Variants in MACROD2 observed in about 807,000 individuals in gnomAD.
The protein encoded by MACROD2 is mono-ADP ribosylhydrolase 2, also known as ADP-ribose glycohydrolase MACROD2.
In MACROD2, 36 loss-of-function variants were observed where a neutral mutation model predicts 70.4. The observed-to-expected ratio is 0.51, with a 90% CI of 0.39 to 0.68. The LOEUF (loss-of-function observed/expected upper bound fraction) is 0.68. Among genes scored for constraint, MACROD2 ranks in the 30% least tolerant of loss-of-function variants. MACROD2 has a pLI of 0.00. For synonymous variants in MACROD2, 172 were observed against 178.8 expected (o/e 0.96, Z 0.30); for missense variants, 496 against 538.4 (o/e 0.92, Z 0.78).
intron 3 of MACROD2, among the ~76,000 whole-genome samples, chr20:14,417,674 T>C (rs751487381): frequency 6.6e-6 from 1 of 152,202 alleles, no homozygotes; most frequent in Non-Finnish European, 1.5e-5. Context: ...GACCTTGAAG[T>C]CTGAACTTTG....
intron 16 of MACROD2, among the ~76,000 whole-genome samples, chr20:16,043,111 C>T (rs1032634961): frequency 2.6e-5 from 4 of 151,936 alleles, no homozygotes; most frequent in Admixed American, 6.6e-5. Flanking sequence ...GGCTCAAAGG[C>T]GGGCAGGGGA....
intron 5 of MACROD2, among the ~76,000 whole-genome samples, chr20:15,180,936 G>A (rs906653107): frequency 6.6e-6 from 1 of 152,180 alleles, no homozygotes; most frequent in African/African-American, 2.4e-5. Context: ...AACATTTTCT[G>A]TGTTACTACA....
intron 3 of MACROD2, among the ~76,000 whole-genome samples, chr20:14,234,961 A>G (rs1208132534): frequency 6.6e-6 from 1 of 152,194 alleles, no homozygotes; most frequent in Non-Finnish European, 1.5e-5. Flanking sequence ...AAAGTCAAAT[A>G]TGGGTCAAAG....
intron 5 of MACROD2, among the ~76,000 whole-genome samples, chr20:15,002,661 A>G (rs367912093): frequency 6.6e-6 from 1 of 152,162 alleles, no homozygotes; most frequent in East Asian, 1.9e-4. Flanking sequence ...GGTAACCTAA[A>G]TGAGCAAAAT....
At chr20:15,092,782 C>G (rs1286382148) in intron 5 of MACROD2, among the ~76,000 whole-genome samples, 1 of 152,036 alleles carries the variant, frequency 6.6e-6, no homozygotes, top group Non-Finnish European at 1.5e-5. Context: ...ATCTGTAAGA[C>G]TAACAAAATT....
intron 5 of MACROD2, among the ~76,000 whole-genome samples, chr20:14,911,427 G>C (rs1571519): frequency 0.014 from 2,107 of 152,170 alleles, 38 homozygotes; most frequent in East Asian, 0.056. Context: ...GCCCAGGCTA[G>C]AGTGCGGTGG....
chr20:15,918,251 G>A (rs1302428686), intron 10 of MACROD2, among the ~76,000 whole-genome samples: 3 of 152,070 alleles, frequency 2.0e-5, no homozygotes, highest in Admixed American at 2.0e-4. Context: ...TTTTATTTTG[G>A]ATACATAATG....
chr20:14,603,158 T>G (rs1244987587), intron 4 of MACROD2, among the ~76,000 whole-genome samples: 1 of 152,352 alleles, frequency 6.6e-6, no homozygotes, highest in Non-Finnish European at 1.5e-5. Flanking sequence ...CATTTATTTT[T>G]ATCTCTCCCA....
chr20:15,425,859 G>T (rs1028560483), intron 6 of MACROD2, among the ~76,000 whole-genome samples: 1 of 152,176 alleles, frequency 6.6e-6, no homozygotes, highest in Admixed American at 6.5e-5. Flanking sequence ...GAGAATCAAG[G>T]GTCAGAGAGA....
At chr20:15,660,537 T>C (rs2049805545) in intron 8 of MACROD2, among the ~76,000 whole-genome samples, 1 of 152,204 alleles carries the variant, frequency 6.6e-6, no homozygotes, top group South Asian at 2.1e-4. Context: ...TCATATGCCA[T>C]ATTTCAGGCT....
chr20:14,509,990 CT>C (rs1315741460), intron 4 of MACROD2, among the ~76,000 whole-genome samples: 1 of 151,910 alleles, frequency 6.6e-6, no homozygotes, highest in Admixed American at 6.6e-5. Context: ...TTTATATTCC[CT>C]TTTAAAAGTC....
At chr20:14,967,579 C>T (rs947039215) in intron 5 of MACROD2, among the ~76,000 whole-genome samples, 1 of 152,130 alleles carries the variant, frequency 6.6e-6, no homozygotes, top group Non-Finnish European at 1.5e-5. Flanking sequence ...ACTTCACTCT[C>T]TTAGTGTCAA....
At chr20:14,028,684 C>T (rs757230404) in intron 2 of MACROD2, among the ~76,000 whole-genome samples, 14 of 152,108 alleles carry the variant, frequency 9.2e-5, no homozygotes, top group African/African-American at 1.7e-4. Flanking sequence ...GGGAGTTCTC[C>T]GACCCCTTGT....
Position 14,191,985 on chromosome 20 carries a change from GA to G in MACROD2, c.271+106258del, listed in dbSNP as rs1455055791. 3.3e-5 allele frequency among the ~76,000 whole-genome samples: 5 copies of G among 151,576 alleles called. No individual in the cohort carries two copies. The East Asian group carries it at 7.8e-4, about 24-fold the overall frequency. On this transcript the variant is annotated intron_variant, in intron 3 of 17. Coordinates refer to ENST00000684519, the MANE Select transcript of MACROD2 (RefSeq NM_001351661.2). ...TGTGGCTTCTGTATAGTTTGTGGGG[GA>G]GGGGGAGGGGGAGGGGCAAAGTAAA...
intron 3 of MACROD2, among the ~76,000 whole-genome samples, chr20:14,137,935 C>T (rs556418841): frequency 4.6e-5 from 7 of 151,958 alleles, no homozygotes; most frequent in Non-Finnish European, 1.0e-4. Context: ...AAACAAAACA[C>T]CAAAGATGGG....
chr20:15,097,900 T>C (rs985180594), intron 5 of MACROD2, among the ~76,000 whole-genome samples: 7 of 152,184 alleles, frequency 4.6e-5, no homozygotes, highest in South Asian at 2.1e-4. Context: ...ATATGAATTA[T>C]GAAATTTATG....
intron 5 of MACROD2, among the ~76,000 whole-genome samples, chr20:15,061,821 CAGAG>C (rs369530598): frequency 1.1e-4 from 17 of 152,284 alleles, no homozygotes; most frequent in African/African-American, 3.4e-4. Context: ...TTTTGGGTCT[CAGAG>C]AGAGTTATGA....
At chr20:15,906,899 C>T (rs2065156174) in intron 10 of MACROD2, among the ~76,000 whole-genome samples, 1 of 152,188 alleles carries the variant, frequency 6.6e-6, no homozygotes, top group Non-Finnish European at 1.5e-5. Context: ...AATATTCACT[C>T]GCTTTGATTA....
At chr20:14,214,655 T>C (rs1395049926) in intron 3 of MACROD2, among the ~76,000 whole-genome samples, 1 of 149,382 alleles carries the variant, frequency 6.7e-6, no homozygotes, top group Non-Finnish European at 1.5e-5. Context: ...TTTGGTTACA[T>C]GAGTAAGTTC....
Sources: gnomAD v4.1 joint callset for allele counts (sites outside exome capture counted in the v4.1 genomes callset) on GRCh38, gnomAD v4.1.1 for gene constraint, MANE v1.5 for transcripts, NCBI Gene and HGNC (gene_info 2026-07-23, HGNC 2026-07-21) for gene names.